Variants in FREM1 observed in about 807,000 individuals in gnomAD.
The protein encoded by FREM1 is FRAS1 related extracellular matrix 1.
In FREM1, 220 loss-of-function variants were observed where a neutral mutation model predicts 210.1. The observed-to-expected ratio is 1.05, with a 90% confidence interval of 0.94 to 1.17. The LOEUF (loss-of-function observed/expected upper bound fraction) is 1.17. Ranked by LOEUF, FREM1 falls within the 50% of genes most tolerant of loss-of-function variation. The pLI is 0.00. For missense variants in FREM1, 3,454 were observed against 2,675.5 expected (o/e 1.29, Z -6.42); for synonymous variants, 1,189 against 980.2 (o/e 1.21, Z -3.98).
At chr9:14,778,748 G>A (rs1849135921) in intron 24 of FREM1, among the ~76,000 whole-genome samples, 1 of 142,314 alleles carries the variant, frequency 7.0e-6, no homozygotes, top group Non-Finnish European at 1.6e-5. Flanking sequence ...GGGAAGGGAA[G>A]GAAAGGAAAG....
Position 14,801,765 on chromosome 9 carries a change from C to G in FREM1, c.3581G>C (p.Gly1194Ala). ...LFSITQKPRH[G>A]LLIDRGFSKD... Reference sequence around the variant, plus strand: ...GCTAAACCCCCTATCGATGAGGAGGCCATGGCGTGGCTTTTGAGTGATGCT... The same window carrying G: ...GCTAAACCCCCTATCGATGAGGAGGGCATGGCGTGGCTTTTGAGTGATGCT... The change falls in exon 20 of 37, where the codon GGC becomes GCC. Residue 1194 changes from glycine (G) to alanine (A), a missense_variant. Gly to Ala is a moderately conservative substitution (Grantham distance 60). Coordinates refer to ENST00000380880, the MANE Select transcript of FREM1 (RefSeq NM_001379081.2). 1 of 1,613,910 alleles carries G rather than the reference C, an allele frequency of 6.2e-7. No homozygotes were observed. Among genetic ancestry groups the G allele is most frequent in the Non-Finnish European group, 8.5e-7 (1 of 1,179,820 alleles).
At chr9:14,817,010 C>T (rs1820431359) in intron 14 of FREM1, 139 bp from the exon 15 acceptor site, 1 of 400,902 alleles carries the variant, frequency 2.5e-6, no homozygotes, top group Non-Finnish European at 4.4e-6. Flanking sequence ...CAACAAAAAC[C>T]CAGCATAATC....
At chr9:14,788,842 G>T in intron 23 of FREM1, 77 bp downstream of exon 23, 1 of 1,101,830 alleles carries the variant, frequency 9.1e-7, no homozygotes, top group South Asian at 1.8e-5. Context: ...GGGAAAGAGA[G>T]AGAAAGAAAC....
chr9:14,848,842 G>T (rs1382060488), intron 6 of FREM1, 69 bp from the exon 7 acceptor site: 18 of 916,142 alleles, frequency 2.0e-5, no homozygotes, highest in Non-Finnish European at 3.0e-5. Context: ...TTAATTCTGG[G>T]TTATACCCAC....
chr9:14,783,139 T>A (rs1356706047), intron 24 of FREM1, among the ~76,000 whole-genome samples: 1 of 152,244 alleles, frequency 6.6e-6, no homozygotes, highest in African/African-American at 2.4e-5. Flanking sequence ...GTTCCAGCTT[T>A]CTGGGATTTT....
intron 1 of FREM1, among the ~76,000 whole-genome samples, chr9:14,884,016 G>A (rs1835305062): frequency 6.6e-6 from 1 of 152,114 alleles, no homozygotes; most frequent in African/African-American, 2.4e-5. Context: ...ATCACCTGAG[G>A]TCAGGAGTTC....
intron 1 of FREM1, among the ~76,000 whole-genome samples, chr9:14,869,691 C>G (rs952386446): frequency 3.3e-5 from 5 of 152,176 alleles, no homozygotes; most frequent in Admixed American, 3.3e-4. Flanking sequence ...CATTCTAAAT[C>G]AGTGCTACTT....
chr9:14,773,494 G>T (rs1485546447), intron 25 of FREM1, among the ~76,000 whole-genome samples: 2 of 152,080 alleles, frequency 1.3e-5, no homozygotes, highest in Admixed American at 6.5e-5. Flanking sequence ...CTGCTGGTGG[G>T]GTCAGTCACT....
intron 1 of FREM1, among the ~76,000 whole-genome samples, chr9:14,901,269 T>A (rs968722733): frequency 6.6e-6 from 1 of 152,206 alleles, no homozygotes; most frequent in African/African-American, 2.4e-5. Context: ...TCATCTGCTG[T>A]AAAGAAGAAA....
chr9:14,802,987 TTCCCTCCC>T (rs558730754), intron 19 of FREM1, among the ~76,000 whole-genome samples: 1 of 151,542 alleles, frequency 6.6e-6, no homozygotes, highest in East Asian at 2.0e-4. Flanking sequence ...TCCTTCCTCT[TTCCCTCCC>T]TCCCTCCCTT....
At chr9:14,870,739 G>A (rs917251760) in intron 1 of FREM1, among the ~76,000 whole-genome samples, 2 of 151,424 alleles carry the variant, frequency 1.3e-5, no homozygotes, top group South Asian at 4.2e-4. Flanking sequence ...GTGCCATGCT[G>A]GTGTGCTGCA....
Position 14,824,846 on chromosome 9 carries a change from C to G in FREM1, c.2028G>C (p.Arg676Ser). ...LHFIDSESYD[R>S]ELVYTITTPP... ...GAGTAGTTATTGTGTAGACCAGCTC[C>G]CTGTCATATGATTCTGAATCTATAA... Residue 676 changes from arginine (R) to serine (S), a missense_variant, in exon 11 of 37, where the codon AGG becomes AGC. Transcript: ENST00000380880. 6.2e-7 allele frequency: 1 copy of G among 1,613,284 alleles called. No homozygotes were observed. The highest frequency in any genetic ancestry group is 8.5e-7 in the Non-Finnish European group (1 of 1,179,580).
At position 14,770,752 on chromosome 9, in the gene FREM1, G is replaced by C. The variant is rs760568535; in HGVS notation, c.4912C>G (p.Gln1638Glu). The change falls in exon 26 of 37, where the codon CAA (glutamine) becomes GAA (glutamate). Residue 1638 changes from glutamine to glutamate, a missense_variant. Transcript: ENST00000380880. ...CAGCCATTTTTCAGGAGCCCCACTT[G>C]AGAAGGGGAATGCAAGAGTGTGATA... ...PRITLLHSPSQVGLLKNGCYG... is the reference protein window; with the variant it reads ...PRITLLHSPSEVGLLKNGCYG... 4.3e-6 allele frequency: 7 copies of C among 1,613,376 alleles called. No homozygotes were observed. The highest frequency in any genetic ancestry group is 3.3e-4 in the Middle Eastern group (2 of 6,058).
Position 14,824,100 on chromosome 9 carries a change from C to T in FREM1, c.2094G>A (p.Gly698=), listed in dbSNP as rs1394065861. 1 of 1,579,570 alleles carries T rather than the reference C, an allele frequency of 6.3e-7. No individual in the cohort carries two copies. The highest frequency in any genetic ancestry group is 1.8e-5 in the Admixed American group (1 of 55,302). ...FSFSHRHLDA[G]KLFMVDSIPK... ...GTATGCTGTCCACCATAAATAATTT[C>T]CCAGCATCCAAGTGTCTAAAGAGAA... The change falls in exon 12 of 37, where the codon GGG becomes GGA. Residue 698 remains glycine, a synonymous_variant. Coordinates refer to ENST00000380880, the MANE Select transcript of FREM1 (RefSeq NM_001379081.2).
intron 10 of FREM1, among the ~76,000 whole-genome samples, chr9:14,826,796 G>A (rs1412929867): frequency 1.3e-5 from 2 of 152,106 alleles, no homozygotes; most frequent in Admixed American, 6.5e-5. Flanking sequence ...TATCCCTTTC[G>A]CTGTGTGAGG....
intron 3 of FREM1, 77 bp downstream of exon 3, chr9:14,863,731 AT>A (rs1830998942): frequency 1.2e-6 from 1 of 825,872 alleles, no homozygotes; most frequent in African/African-American, 1.7e-5. Flanking sequence ...ATGACAATAC[AT>A]ATCCACAAGA....
At chr9:14,752,734 C>T (rs1289327209) in intron 29 of FREM1, among the ~76,000 whole-genome samples, 1 of 152,014 alleles carries the variant, frequency 6.6e-6, no homozygotes, top group Non-Finnish European at 1.5e-5. Flanking sequence ...ACTGTTTTGA[C>T]CCTCAAAGAC....
chr9:14,819,503 C>T, intron 13 of FREM1, 61 bp from the exon 14 acceptor site: 3 of 955,020 alleles, frequency 3.1e-6, no homozygotes, highest in Non-Finnish European at 4.8e-6. Context: ...GAAGACAGAG[C>T]TCATTACATC....
At chr9:14,880,751 T>C (rs1775710601) in intron 1 of FREM1, among the ~76,000 whole-genome samples, 1 of 152,208 alleles carries the variant, frequency 6.6e-6, no homozygotes, top group South Asian at 2.1e-4. Flanking sequence ...TAAACATTTT[T>C]ATGAACAAAT....
Sources: gnomAD v4.1 joint callset for allele counts (sites outside exome capture counted in the v4.1 genomes callset) on GRCh38, gnomAD v4.1.1 for gene constraint, MANE v1.5 for transcripts, NCBI Gene and HGNC (gene_info 2026-07-23, HGNC 2026-07-21) for gene names.